Variants in RYR2 observed in about 807,000 individuals in gnomAD.
RYR2 encodes the protein ryanodine receptor 2, also known as cardiac muscle ryanodine receptor-calcium release channel.
RYR2 carries 227 observed loss-of-function variants against 601.1 expected under a neutral mutation model. The ratio of observed to expected loss-of-function variants is 0.38; its 90% CI spans 0.34 to 0.42. The LOEUF (loss-of-function observed/expected upper bound fraction) is 0.42, where lower values mean the gene tolerates loss of function less well. RYR2 is among the 10% of genes least tolerant of loss of function. The pLI, the probability that RYR2 is intolerant of heterozygous loss-of-function variation, is 1.00. For missense variants in RYR2, 4,646 were observed against 6,156.5 expected, an observed-to-expected ratio of 0.75 and a Z score of 8.21; for synonymous variants, 2,223 against 2,175.1, an observed-to-expected ratio of 1.02 and a Z score of -0.61.
chr1:237,109,851 C>T (rs1395261342), intron 1 of RYR2, among the ~76,000 whole-genome samples: 1 of 152,000 alleles, frequency 6.6e-6, no homozygotes, highest in Non-Finnish European at 1.5e-5. Context: ...CTTTAAATGT[C>T]ACCTTCATGG....
At chr1:237,636,455 G>A (rs750712191) in intron 44 of RYR2, among the ~76,000 whole-genome samples, 15 of 151,748 alleles carry the variant, frequency 9.9e-5, no homozygotes, top group Non-Finnish European at 1.8e-4. Flanking sequence ...TGTTTCCCCC[G>A]TATAGTACTT....
At chr1:237,797,717 T>C (rs573011156) in intron 96 of RYR2, among the ~76,000 whole-genome samples, 1 of 152,362 alleles carries the variant, frequency 6.6e-6, no homozygotes, top group Admixed American at 6.5e-5. Flanking sequence ...GCACAAAGTA[T>C]TAATTTAGTA....
chr1:237,705,387 A>T, intron 67 of RYR2, 44 bp downstream of exon 67: 1 of 1,524,524 alleles, frequency 6.6e-7, no homozygotes, highest in Non-Finnish European at 9.0e-7. Flanking sequence ...TGAAGCTAAA[A>T]CTTGATATTT....
intron 16 of RYR2, among the ~76,000 whole-genome samples, chr1:237,465,263 G>T (rs1659944365): frequency 6.6e-6 from 1 of 152,072 alleles, no homozygotes; most frequent in African/African-American, 2.4e-5. Flanking sequence ...TTGGAGGAAT[G>T]AATCTCCACT....
At chr1:237,262,272 T>TTTTTTTTTA (rs869098916) in intron 1 of RYR2, among the ~76,000 whole-genome samples, 1 of 129,532 alleles carries the variant, frequency 7.7e-6, no homozygotes, top group East Asian at 2.2e-4. Context: ...TTTTTTTTTT[T>TTTTTTTTTA]ATGATGGAGT....
At position 237,822,358 on chromosome 1, in the gene RYR2, G is replaced by A. The variant is rs185605922; in HGVS notation, c.14590+3166G>A. 3.2e-3 allele frequency among the ~76,000 whole-genome samples: 481 copies of A among 152,320 alleles called. 6 individuals carry two copies. The highest frequency in any genetic ancestry group is 4.8e-3 in the Non-Finnish European group (324 of 68,028). ...TGTAGAAACTCTACAAGCCAGAAGA[G>A]AGTGGGGGCAAATATTCAACATTCT... On this transcript the variant is annotated intron_variant, in intron 101 of 104. Coordinates refer to ENST00000366574, the MANE Select transcript of RYR2 (RefSeq NM_001035.3).
intron 17 of RYR2, among the ~76,000 whole-genome samples, chr1:237,488,678 C>A (rs894367616): frequency 6.6e-6 from 1 of 152,134 alleles, no homozygotes; most frequent in East Asian, 1.9e-4. Flanking sequence ...CTAACTGATA[C>A]ATATATTCTC....
chr1:237,558,425 A>G (rs1466168384), intron 27 of RYR2, among the ~76,000 whole-genome samples: 2 of 152,180 alleles, frequency 1.3e-5, no homozygotes, highest in Non-Finnish European at 2.9e-5. Context: ...GTACTCAGAT[A>G]TATCATCCCG....
rs373674802 is a variant in RYR2, at chr1:237,270,499, T to C, written c.51T>C (p.Asp17=). The C allele has an allele frequency of 1.1e-5, 17 of 1,577,332 alleles. No individual in the cohort carries two copies. In the African/African-American group the frequency reaches 1.7e-4, roughly 16 times the overall value. ...GEDEIQFLRT[D]DEVVLQCTAT... ...CCTCTCTTTCTCCCCCTTTGCAGGA[T>C]GATGAAGTGGTTCTGCAGTGCACCG... The change falls in exon 2 of 105, where the codon GAT becomes GAC. Residue 17 remains aspartate (D), a splice_region_variant and synonymous_variant. Transcript: ENST00000366574.
chr1:237,676,285 G>A (rs143206091), intron 60 of RYR2, among the ~76,000 whole-genome samples: 186 of 152,234 alleles, frequency 1.2e-3, no homozygotes, highest in Non-Finnish European at 2.0e-3. Context: ...AATATGAAGG[G>A]AAGAAATGTA....
In RYR2 at chr1:237,784,747, T is replaced by C. The variant is rs746030676; in HGVS notation, c.13035T>C (p.Asp4345=). Residue 4345 remains aspartate, a synonymous_variant, in exon 90 of 105, where the codon GAT becomes GAC. Transcript: ENST00000366574. This position sits in a 1 kb window ranked among gnomAD's most constrained non-coding sequence, Gnocchi z 7.1. ...PDPTQDEVRG[D]GEEGERKPLE... is the part of the protein sequence containing the mutation. ...CCACTCAGGATGAGGTTAGAGGAGA[T>C]GGGGAGGAGGGAGAGAGGAAACCCC... is the stretch of plus-strand genomic sequence containing the variant. 1.2e-6 allele frequency: 2 copies of C among 1,601,928 alleles called. No individual in the cohort carries two copies. The highest frequency in any genetic ancestry group is 2.2e-5 in the South Asian group (2 of 89,664).
chr1:237,552,319 G>A (rs531112414), intron 27 of RYR2, among the ~76,000 whole-genome samples: 15 of 151,918 alleles, frequency 9.9e-5, no homozygotes, highest in Non-Finnish European at 2.1e-4. Flanking sequence ...AACCCTCAAA[G>A]CTAATTAGTT....
rs1662130753 is a variant in RYR2 at position 237,818,914 on chromosome 1, A to G, written c.14434-122A>G. The G allele has an allele frequency of 3.6e-6, 3 of 823,404 alleles. No individual in the cohort carries two copies. In the Admixed American group the frequency reaches 8.8e-5, roughly 24 times the overall value. 51.0% of individuals were successfully genotyped at this position (823,404 alleles called of 1,614,324 possible). A position where few individuals can be genotyped will look rare whatever the true frequency, so the allele number is the denominator to read the frequency against. ...AAATACTGAAACAAAAAGAGGCAAT[A>G]TAGAATGCAAAAATTCTCATTTCCA... On this transcript the variant is annotated intron_variant, in intron 100 of 104. Coordinates refer to ENST00000366574, the MANE Select transcript of RYR2 (RefSeq NM_001035.3).
chr1:237,501,612 A>C (rs996327707), intron 21 of RYR2, among the ~76,000 whole-genome samples: 2 of 152,178 alleles, frequency 1.3e-5, no homozygotes, highest in Admixed American at 6.5e-5. Flanking sequence ...CATTTGTTTC[A>C]GTTATTCTTT....
intron 79 of RYR2, among the ~76,000 whole-genome samples, chr1:237,734,949 A>C (rs902934063): frequency 6.6e-6 from 1 of 152,178 alleles, no homozygotes; most frequent in African/African-American, 2.4e-5. Flanking sequence ...AGATGACAGC[A>C]TGAGGAGAGG....
chr1:237,499,485 T>C (rs1664413941), intron 20 of RYR2, among the ~76,000 whole-genome samples: 1 of 152,304 alleles, frequency 6.6e-6, no homozygotes, highest in South Asian at 2.1e-4. Context: ...ATAATAGATA[T>C]CGTGTAAATA....
intron 100 of RYR2, among the ~76,000 whole-genome samples, chr1:237,815,465 C>T (rs1558474582): frequency 6.6e-6 from 1 of 152,132 alleles, no homozygotes; most frequent in Non-Finnish European, 1.5e-5. Flanking sequence ...TATCAACATC[C>T]CACAGGTGAA....
chr1:237,185,321 C>T (rs188040638), intron 1 of RYR2, among the ~76,000 whole-genome samples: 21 of 152,286 alleles, frequency 1.4e-4, no homozygotes, highest in African/African-American at 5.1e-4. Flanking sequence ...TATACCAAAA[C>T]TTCCTGAGCA....
intron 17 of RYR2, among the ~76,000 whole-genome samples, chr1:237,475,532 G>T (rs1298149778): frequency 6.6e-6 from 1 of 152,104 alleles, no homozygotes; most frequent in Non-Finnish European, 1.5e-5. Flanking sequence ...AAAAAGTGTG[G>T]GTGGTGGTAG....
Sources: allele counts gnomAD v4.1 joint callset (sites outside exome capture counted in the v4.1 genomes callset), GRCh38; gene constraint gnomAD v4.1.1; non-coding constraint Gnocchi (gnomAD v3.1); transcripts MANE v1.5; gene names NCBI Gene and HGNC (gene_info 2026-07-23, HGNC 2026-07-21).